Variants in FNDC3A observed in about 807,000 individuals in gnomAD.
The protein encoded by FNDC3A is fibronectin type-III domain-containing protein 3A.
A neutral mutation model predicts 148.9 loss-of-function variants in FNDC3A; 32 were observed. The ratio of observed to expected loss-of-function variants is 0.21; its 90% CI spans 0.16 to 0.29. FNDC3A has a LOEUF of 0.29. Ranked by LOEUF, FNDC3A falls within the 10% of genes least tolerant of loss-of-function variation. The pLI is 1.00. For synonymous variants in FNDC3A, 472 were observed against 473.6 expected, an observed-to-expected ratio of 1.00 and a Z score of 0.04; for missense variants, 1,191 against 1,452.8, an observed-to-expected ratio of 0.82 and a Z score of 2.93.
At chr13:49,039,723 G>T (rs912894513) in intron 2 of FNDC3A, among the ~76,000 whole-genome samples, 4 of 151,590 alleles carry the variant, frequency 2.6e-5, no homozygotes, top group Non-Finnish European at 4.4e-5. Context: ...TTTGTTTTTT[G>T]TTTTTTCTGA....
chr13:49,110,269 G>A, intron 3 of FNDC3A: 2 of 1,354,342 alleles, frequency 1.5e-6, no homozygotes, highest in South Asian at 1.5e-5. Context: ...CACGTGACTC[G>A]GTCAAAGGAT....
At chr13:49,054,368 A>G (rs1193114405) in intron 2 of FNDC3A, among the ~76,000 whole-genome samples, 4 of 152,238 alleles carry the variant, frequency 2.6e-5, no homozygotes, top group Non-Finnish European at 5.9e-5. Flanking sequence ...TCCTGAAAGG[A>G]GACATCAGAG....
chr13:48,977,992 T>C (rs1389042157), intron 1 of FNDC3A, among the ~76,000 whole-genome samples: 4 of 152,100 alleles, frequency 2.6e-5, no homozygotes, highest in Admixed American at 2.6e-4. Context: ...CATTGAATGC[T>C]CCGGAAAAAT....
At chr13:48,979,606 A>C (rs1203089747) in intron 1 of FNDC3A, among the ~76,000 whole-genome samples, 1 of 152,120 alleles carries the variant, frequency 6.6e-6, no homozygotes, top group East Asian at 1.9e-4. Flanking sequence ...AGAGCTGGAC[A>C]AGACAGTTTG....
chr13:49,093,043 T>C (rs1879287092), intron 3 of FNDC3A, among the ~76,000 whole-genome samples: 1 of 152,182 alleles, frequency 6.6e-6, no homozygotes, highest in Non-Finnish European at 1.5e-5. Context: ...AAAGTCTTTT[T>C]GATTTCTAAA....
chr13:49,137,891 A>G (rs1257804031), intron 6 of FNDC3A, among the ~76,000 whole-genome samples: 2 of 152,234 alleles, frequency 1.3e-5, no homozygotes, highest in Non-Finnish European at 2.9e-5. Context: ...ATACATAGAT[A>G]TGCATGGTAG....
intron 1 of FNDC3A, among the ~76,000 whole-genome samples, chr13:48,998,942 A>G (rs1195534073): frequency 6.6e-6 from 1 of 152,218 alleles, no homozygotes; most frequent in Non-Finnish European, 1.5e-5. Flanking sequence ...GACTGTGAAC[A>G]TGCATGATCA....
intron 2 of FNDC3A, among the ~76,000 whole-genome samples, chr13:49,065,142 AG>A (rs1877177660): frequency 6.6e-6 from 1 of 152,160 alleles, no homozygotes; most frequent in Admixed American, 6.5e-5. Context: ...TCTTGCCTAG[AG>A]TCACTCACCT....
At chr13:49,079,012 C>A (rs1328883675) in intron 3 of FNDC3A, among the ~76,000 whole-genome samples, 2 of 152,122 alleles carry the variant, frequency 1.3e-5, no homozygotes, top group African/African-American at 2.4e-5. Flanking sequence ...AAAGTCCATT[C>A]TTTTAAAAGT....
At chr13:49,150,477 G>T (rs56259023) in intron 8 of FNDC3A, among the ~76,000 whole-genome samples, 2 of 151,730 alleles carry the variant, frequency 1.3e-5, no homozygotes, top group African/African-American at 4.8e-5. Context: ...ATTTTAATTT[G>T]TTCCAAGAAT....
chr13:49,137,301 T>TA (rs1882427894), intron 6 of FNDC3A, among the ~76,000 whole-genome samples: 1 of 152,180 alleles, frequency 6.6e-6, no homozygotes, highest in South Asian at 2.1e-4. Context: ...ATCCTTCCCC[T>TA]AACCTCTGAC....
chr13:49,151,299 A>G (rs1289837317), intron 8 of FNDC3A, among the ~76,000 whole-genome samples: 9 of 152,062 alleles, frequency 5.9e-5, no homozygotes, highest in Non-Finnish European at 1.3e-4. Flanking sequence ...GAATTGTTAT[A>G]TCCTCTTGCT....
At chr13:49,201,136 C>T (rs1411198116) in intron 23 of FNDC3A, 1 of 294,704 alleles carries the variant, frequency 3.4e-6, no homozygotes, top group Admixed American at 4.3e-5. Flanking sequence ...ATTTTAGAAA[C>T]ATCCAATCAA....
intron 3 of FNDC3A, among the ~76,000 whole-genome samples, chr13:49,083,465 G>A (rs542836366): frequency 6.6e-6 from 1 of 152,312 alleles, no homozygotes; most frequent in South Asian, 2.1e-4. Context: ...AAAACAGATG[G>A]TGGTGTATGC....
intron 13 of FNDC3A, among the ~76,000 whole-genome samples, chr13:49,176,995 G>T (rs891408656): frequency 2.0e-5 from 3 of 152,036 alleles, no homozygotes; most frequent in African/African-American, 7.2e-5. Flanking sequence ...ACAGAGTTTC[G>T]CTATGTTGCC....
At chr13:49,026,715 G>C (rs148261447) in intron 2 of FNDC3A, among the ~76,000 whole-genome samples, 1,585 of 152,228 alleles carry the variant, frequency 0.01, 31 homozygotes, top group East Asian at 0.077. Flanking sequence ...ATGTTGCCCA[G>C]GCTGGTCTTG....
intron 1 of FNDC3A, among the ~76,000 whole-genome samples, chr13:49,001,372 G>A (rs921941269): frequency 6.6e-6 from 1 of 152,080 alleles, no homozygotes; most frequent in Non-Finnish European, 1.5e-5. Context: ...TGGGTTAACT[G>A]CACAAATTGT....
intron 8 of FNDC3A, among the ~76,000 whole-genome samples, chr13:49,155,424 G>A (rs1364101787): frequency 6.7e-6 from 1 of 148,314 alleles, no homozygotes; most frequent in Non-Finnish European, 1.5e-5. Context: ...TTCTTTATTA[G>A]TCTTGCTAGC....
chr13:49,136,596 T>C lies in FNDC3A; in HGVS notation c.755T>C (p.Ile252Thr). 2 of 1,611,652 alleles carry C rather than the reference T, an allele frequency of 1.2e-6. No individual in the cohort carries two copies. The highest frequency in any genetic ancestry group is 1.7e-6 in the Non-Finnish European group (2 of 1,177,984). The change falls in exon 6 of 26, where the codon ATT becomes ACT. Residue 252 changes from isoleucine to threonine, a missense_variant. By Grantham distance (89) the Ile-to-Thr change is moderately conservative. Coordinates refer to ENST00000492622, the MANE Select transcript of FNDC3A (RefSeq NM_001079673.2). ...GKGGTQVDTE[I>T]EEKDEETKAF... The stretch of plus-strand genomic sequence containing the variant: ...GGTGGTACACAAGTTGATACAGAAA[T>C]TGAAGGTAACTGTTTGAAGTACTGA...
Sources: allele counts gnomAD v4.1 joint callset (sites outside exome capture counted in the v4.1 genomes callset), GRCh38; gene constraint gnomAD v4.1.1; transcripts MANE v1.5; gene names NCBI Gene and HGNC (gene_info 2026-07-23, HGNC 2026-07-21).